FAM171A1: variants seen among roughly 807,000 people sequenced by gnomAD.
FAM171A1 encodes protein FAM171A1.
Under a neutral mutation model 74.9 loss-of-function variants are expected in FAM171A1, and 23 were observed. That is an observed-to-expected ratio of 0.31 (90% CI 0.22 to 0.44). FAM171A1 has a LOEUF of 0.44. FAM171A1 is among the 20% of genes least tolerant of loss of function. The pLI is 1.00. For synonymous variants in FAM171A1, 527 were observed against 505.7 expected (o/e 1.04, Z -0.57); for missense variants, 1,162 against 1,159.2 (o/e 1.00, Z -0.03).
intron 1 of FAM171A1, among the ~76,000 whole-genome samples, chr10:15,370,643 G>C (rs1244391601): frequency 4.0e-5 from 6 of 151,652 alleles, no homozygotes; most frequent in Admixed American, 1.3e-4. Context: ...GCGGCATAAA[G>C]GGGACCCCCG....
chr10:15,268,700 T>C (rs1834780850), intron 3 of FAM171A1, among the ~76,000 whole-genome samples: 1 of 152,000 alleles, frequency 6.6e-6, no homozygotes, highest in South Asian at 2.1e-4. Context: ...AGAAGAAATG[T>C]GGGCCCAGCA....
At chr10:15,287,214 C>T (rs1406051140) in intron 1 of FAM171A1, among the ~76,000 whole-genome samples, 2 of 150,378 alleles carry the variant, frequency 1.3e-5, no homozygotes, top group African/African-American at 4.9e-5. Flanking sequence ...GCCTCAGCCT[C>T]CCGAGTAGCT....
At chr10:15,299,919 A>G (rs1477740334) in intron 1 of FAM171A1, among the ~76,000 whole-genome samples, 2 of 152,076 alleles carry the variant, frequency 1.3e-5, no homozygotes, top group African/African-American at 4.8e-5. Flanking sequence ...CAGAGCTTGC[A>G]GTGAACCGAG....
intron 5 of FAM171A1, among the ~76,000 whole-genome samples, chr10:15,245,695 C>G (rs1448764968): frequency 6.6e-6 from 1 of 152,214 alleles, no homozygotes; most frequent in Non-Finnish European, 1.5e-5. Flanking sequence ...CCCCCAGACT[C>G]CCTGCTCTTA....
intron 5 of FAM171A1, among the ~76,000 whole-genome samples, chr10:15,244,219 G>A (rs866719687): frequency 1.6e-4 from 24 of 152,172 alleles, no homozygotes; most frequent in African/African-American, 5.3e-4. Flanking sequence ...GCCTGGGGTG[G>A]TGGTGGGCAC....
chr10:15,243,868 A>G (rs1268226013), intron 5 of FAM171A1, among the ~76,000 whole-genome samples: 1 of 152,120 alleles, frequency 6.6e-6, no homozygotes, highest in Non-Finnish European at 1.5e-5. Context: ...CTCCTGTCTC[A>G]GCCTCCTGAG....
intron 1 of FAM171A1, among the ~76,000 whole-genome samples, chr10:15,328,110 A>G (rs1835579883): frequency 6.6e-6 from 1 of 152,060 alleles, no homozygotes; most frequent in African/African-American, 2.4e-5. Context: ...CAAAAAAAAA[A>G]AAAACCTTTC....
At chr10:15,308,652 C>A (rs1026458441) in intron 1 of FAM171A1, among the ~76,000 whole-genome samples, 3 of 143,468 alleles carry the variant, frequency 2.1e-5, no homozygotes, top group African/African-American at 8.5e-5. Context: ...TCTCAAAAAA[C>A]AAACAAACAA....
intron 1 of FAM171A1, among the ~76,000 whole-genome samples, chr10:15,340,468 T>TG (rs1266549970): frequency 6.6e-6 from 1 of 152,174 alleles, no homozygotes; most frequent in African/African-American, 2.4e-5. Flanking sequence ...TGTGGAACTT[T>TG]GAGTTCAAAC....
At chr10:15,282,037 C>T (rs1834976773) in intron 2 of FAM171A1, among the ~76,000 whole-genome samples, 1 of 152,082 alleles carries the variant, frequency 6.6e-6, no homozygotes, top group Admixed American at 6.6e-5. Flanking sequence ...GTATTCAGGG[C>T]CAAGCTTTTC....
At chr10:15,280,196 C>T (rs912778661) in intron 2 of FAM171A1, among the ~76,000 whole-genome samples, 1 of 152,148 alleles carries the variant, frequency 6.6e-6, no homozygotes, top group African/African-American at 2.4e-5. Context: ...CCAGGGCGGC[C>T]GACCATGAGA....
intron 7 of FAM171A1, 63 bp from the exon 8 acceptor site, chr10:15,214,664 G>A: frequency 4.0e-6 from 6 of 1,491,082 alleles, no homozygotes; most frequent in Non-Finnish European, 5.3e-6. Flanking sequence ...AAAGTTTCAA[G>A]TTTCAGGTAA....
intron 1 of FAM171A1, among the ~76,000 whole-genome samples, chr10:15,287,091 C>CTTT (rs145921203): frequency 4.1e-4 from 53 of 129,462 alleles, no homozygotes; most frequent in Non-Finnish European, 5.2e-4. Context: ...TTTTCTTCTT[C>CTTT]TTTTTTTTTT....
chr10:15,234,493 G>A (rs898631614), intron 5 of FAM171A1, among the ~76,000 whole-genome samples: 5 of 152,068 alleles, frequency 3.3e-5, no homozygotes, highest in South Asian at 2.1e-4. Context: ...CAAGAGGCTC[G>A]GGAACATTGG....
chr10:15,262,495 G>C (rs767374058), intron 3 of FAM171A1, among the ~76,000 whole-genome samples: 51 of 152,200 alleles, frequency 3.4e-4, no homozygotes, highest in Non-Finnish European at 7.1e-4. Context: ...GAACCGGGTA[G>C]GGTGGTGAAG....
At position 15,280,104 on chromosome 10, in the gene FAM171A1, C is replaced by A. The variant is rs543035931; in HGVS notation, c.325+3774G>T. On this transcript the variant is annotated intron_variant, in intron 2 of 7. Transcript: ENST00000378116. ...TTCATCTCAAAAAGAAGAAAAAAAC[C>A]CAAAAAATTTGCCAAGAGAACAATG... Among the ~76,000 whole-genome samples, 16 of 151,720 alleles carry A rather than the reference C, an allele frequency of 1.1e-4. No individual in the cohort carries two copies. The South Asian group carries it at 2.7e-3, about 26-fold the overall frequency.
chr10:15,243,420 C>T (rs1341631525), intron 5 of FAM171A1, among the ~76,000 whole-genome samples: 2 of 152,104 alleles, frequency 1.3e-5, no homozygotes, highest in Non-Finnish European at 2.9e-5. Context: ...AGAGATAGTT[C>T]CATCTGCCAT....
chr10:15,267,016 C>G (rs1477826757), intron 3 of FAM171A1, among the ~76,000 whole-genome samples: 1 of 152,166 alleles, frequency 6.6e-6, no homozygotes, highest in Non-Finnish European at 1.5e-5. Context: ...CAGGTAGACC[C>G]AACGGGCAGT....
intron 2 of FAM171A1, 23 bp from the exon 3 acceptor site, chr10:15,275,970 G>GA (rs1184481739): frequency 1.9e-6 from 3 of 1,566,016 alleles, no homozygotes; most frequent in Non-Finnish European, 2.6e-6. Flanking sequence ...GAAATGGATA[G>GA]AAGGGGATTT....
Sources: gnomAD v4.1 joint callset for allele counts (sites outside exome capture counted in the v4.1 genomes callset) on GRCh38, gnomAD v4.1.1 for gene constraint, MANE v1.5 for transcripts, NCBI Gene and HGNC (gene_info 2026-07-23, HGNC 2026-07-21) for gene names.